CHLSN: variants seen among roughly 807,000 people sequenced by gnomAD.
The protein encoded by CHLSN is protein cholesin.
At chr7:1,048,857 C>T in the CHLSN span, among the ~76,000 whole-genome samples, 3 of 152,202 alleles carry the variant, frequency 2.0e-5, no homozygotes, top group Admixed American at 1.3e-4. Flanking sequence ...GGTTCTCCTT[C>T]TCAGTCCCAT....
chr7:1,112,591 T>C, the CHLSN span, among the ~76,000 whole-genome samples: 1 of 151,596 alleles, frequency 6.6e-6, no homozygotes, highest in Admixed American at 6.6e-5. Context: ...ATTGGGCCAA[T>C]AGCACATATC....
chr7:1,024,416 G>A, the CHLSN span: 3 of 152,362 alleles, frequency 2.0e-5, no homozygotes, highest in Non-Finnish European at 2.9e-5. Flanking sequence ...AGCAAGAAAC[G>A]GACCCATGGG....
the CHLSN span, among the ~76,000 whole-genome samples, chr7:1,100,084 G>A: frequency 2.6e-5 from 4 of 152,234 alleles, no homozygotes; most frequent in Non-Finnish European, 5.9e-5. Flanking sequence ...GGGAGAGCCT[G>A]TGTTCTGGGT....
chr7:1,122,236 G>A, the CHLSN span, among the ~76,000 whole-genome samples: 1 of 152,234 alleles, frequency 6.6e-6, no homozygotes, highest in Non-Finnish European at 1.5e-5. Flanking sequence ...GATGCTCGTG[G>A]GGACGGAAAG....
At chr7:1,063,371 T>G in the CHLSN span, among the ~76,000 whole-genome samples, 1 of 152,232 alleles carries the variant, frequency 6.6e-6, no homozygotes, top group African/African-American at 2.4e-5. Context: ...TTCCTCACTC[T>G]GTGACTGATC....
chr7:987,534 G>T, the CHLSN span: 1 of 1,516,752 alleles, frequency 6.6e-7, no homozygotes, highest in Admixed American at 2.0e-5. Context: ...TCCCCAAGGT[G>T]GGGCTGGGCC....
the CHLSN span, among the ~76,000 whole-genome samples, chr7:993,400 G>C: frequency 6.6e-6 from 1 of 152,202 alleles, no homozygotes; most frequent in African/African-American, 2.4e-5. Context: ...AAAGAGCCCA[G>C]CTGGAGGCTG....
At chr7:983,866 C>A in the CHLSN span, among the ~76,000 whole-genome samples, 9 of 152,324 alleles carry the variant, frequency 5.9e-5, no homozygotes, top group South Asian at 1.5e-3. Context: ...ACAGAGGGTA[C>A]GGGGACACGG....
chr7:1,126,956 G>C, the CHLSN span, among the ~76,000 whole-genome samples: 29 of 152,154 alleles, frequency 1.9e-4, no homozygotes, highest in African/African-American at 6.7e-4. Flanking sequence ...CCAACCGAAG[G>C]CCTGCTGCAG....
the CHLSN span, among the ~76,000 whole-genome samples, chr7:993,976 C>T: frequency 2.0e-5 from 3 of 152,172 alleles, no homozygotes; most frequent in Admixed American, 6.5e-5. Context: ...GGACGGTTTC[C>T]GGAAGCCGCA....
the CHLSN span, among the ~76,000 whole-genome samples, chr7:1,047,154 C>A: frequency 6.6e-6 from 1 of 152,248 alleles, no homozygotes; most frequent in Non-Finnish European, 1.5e-5. Flanking sequence ...CAAAAGAATG[C>A]TGTTCCACCT....
chr7:1,124,537 G>C, the CHLSN span, among the ~76,000 whole-genome samples: 1 of 134,752 alleles, frequency 7.4e-6, no homozygotes, highest in Admixed American at 8.0e-5. Flanking sequence ...AGGCTGTGAA[G>C]AAGGAGTGAG....
the CHLSN span, among the ~76,000 whole-genome samples, chr7:1,110,569 G>A: frequency 6.6e-6 from 1 of 152,248 alleles, no homozygotes; most frequent in Non-Finnish European, 1.5e-5. Context: ...GGTGTCGGGG[G>A]TTTGGGGAGA....
chr7:1,054,297 G>A, the CHLSN span, among the ~76,000 whole-genome samples: 2 of 152,224 alleles, frequency 1.3e-5, no homozygotes, highest in Admixed American at 1.3e-4. Flanking sequence ...ACTGGAAACA[G>A]AAACCATCCT....
chr7:1,059,883 G>GTAGTGAGGCGGGTCT, the CHLSN span, among the ~76,000 whole-genome samples: 18 of 44,578 alleles, frequency 4.0e-4, no homozygotes, highest in East Asian at 3.3e-3. Context: ...GGGCGGGTCC[G>GTAGTGAGGCGGGTCT]TAGTGAGGCG....
At chr7:1,122,642 A>G in the CHLSN span, among the ~76,000 whole-genome samples, 4 of 152,168 alleles carry the variant, frequency 2.6e-5, no homozygotes, top group African/African-American at 9.7e-5. Context: ...GGGGCCCCAC[A>G]GTCCTCCCGA....
the CHLSN span, among the ~76,000 whole-genome samples, chr7:1,016,989 GCA>G: frequency 7.2e-6 from 1 of 138,656 alleles, no homozygotes. Flanking sequence ...CCAGCGCACA[GCA>G]GCGCACAGGA....
At chr7:1,016,857 A>G in the CHLSN span, among the ~76,000 whole-genome samples, 100 of 75,078 alleles carry the variant, frequency 1.3e-3, 12 homozygotes, top group African/African-American at 2.5e-3. Context: ...ACACAGCAGC[A>G]CACAGCACAC....
At chr7:1,006,093 G>C in the CHLSN span, among the ~76,000 whole-genome samples, 1 of 152,224 alleles carries the variant, frequency 6.6e-6, no homozygotes, top group African/African-American at 2.4e-5. Flanking sequence ...CTTGCCCGCT[G>C]ACAGCCGTGT....
Sources: allele counts gnomAD v4.1 joint callset (sites outside exome capture counted in the v4.1 genomes callset), GRCh38; gene constraint gnomAD v4.1.1; transcripts MANE v1.5; gene names NCBI Gene and HGNC (gene_info 2026-07-23, HGNC 2026-07-21).